UBE2E3: variants seen among roughly 807,000 people sequenced by gnomAD.
UBE2E3 encodes the protein ubiquitin conjugating enzyme E2 E3.
Under a neutral mutation model 23.6 loss-of-function variants are expected in UBE2E3, and 5 were observed. The observed-to-expected ratio is 0.21, with a 90% confidence interval of 0.11 to 0.44. The LOEUF (loss-of-function observed/expected upper bound fraction) is 0.44, where lower values mean the gene tolerates loss of function less well. Ranked by LOEUF, UBE2E3 falls within the 20% of genes least tolerant of loss-of-function variation. The pLI, the probability that UBE2E3 is intolerant of heterozygous loss-of-function variation, is 0.99. For missense variants in UBE2E3, 81 were observed against 249.8 expected, an observed-to-expected ratio of 0.32 and a Z score of 4.55; for synonymous variants, 78 against 87.5, an observed-to-expected ratio of 0.89 and a Z score of 0.60.
chr2:181,053,027 A>G (rs62181573), intron 3 of UBE2E3, among the ~76,000 whole-genome samples: 32,933 of 151,444 alleles, frequency 0.22, 4,160 homozygotes, highest in Non-Finnish European at 0.28. Flanking sequence ...TCGTTTCACC[A>G]CCCTTTAAGT....
At chr2:180,984,117 T>G (rs761906682) in intron 3 of UBE2E3, 24 bp downstream of exon 3, 1 of 1,597,968 alleles carries the variant, frequency 6.3e-7, no homozygotes, top group East Asian at 2.2e-5. Context: ...TTTGTTGTTT[T>G]GGTTTCAAAT....
chr2:181,022,457 A>G (rs376264501), intron 3 of UBE2E3, among the ~76,000 whole-genome samples: 23 of 152,128 alleles, frequency 1.5e-4, no homozygotes, highest in African/African-American at 5.6e-4. Context: ...GTAAATTAAT[A>G]CATAACCATT....
At chr2:181,053,026 C>T (rs1309272914) in intron 3 of UBE2E3, among the ~76,000 whole-genome samples, 18 of 151,784 alleles carry the variant, frequency 1.2e-4, no homozygotes, top group Admixed American at 1.2e-3. Context: ...GTCGTTTCAC[C>T]ACCCTTTAAG....
Position 181,062,731 on chromosome 2 carries a change from G to A in UBE2E3, c.527-60G>A, listed in dbSNP as rs1687196381. 3.1e-6 allele frequency: 3 copies of A among 964,234 alleles called. No individual in the cohort carries two copies. In the South Asian group the frequency reaches 4.7e-5, roughly 15 times the overall value. 59.7% of individuals were successfully genotyped at this position (964,234 alleles called of 1,614,324 possible). ...AGCATTTCATTTTAATAGAATATTA[G>A]AACTATACCTTGAAGAAGATACCAC... On this transcript the variant is annotated intron_variant, in intron 5 of 5. Transcript: ENST00000410062.
chr2:181,003,862 A>G (rs1685060895), intron 3 of UBE2E3, among the ~76,000 whole-genome samples: 1 of 152,198 alleles, frequency 6.6e-6, no homozygotes, highest in Non-Finnish European at 1.5e-5. Flanking sequence ...ATTTACATGT[A>G]TTGTTGATAT....
At chr2:181,057,975 A>C in intron 4 of UBE2E3, 150 bp downstream of exon 4, 2 of 736,268 alleles carry the variant, frequency 2.7e-6, no homozygotes, top group Non-Finnish European at 2.1e-6. Context: ...AAGAATTTTA[A>C]AACAGTAATT....
At chr2:180,991,464 A>C (rs1415542806) in intron 3 of UBE2E3, among the ~76,000 whole-genome samples, 1 of 152,202 alleles carries the variant, frequency 6.6e-6, no homozygotes. Context: ...GTTTGAAAAT[A>C]AGCACTGCAG....
intron 3 of UBE2E3, among the ~76,000 whole-genome samples, chr2:181,055,796 A>G (rs1367565337): frequency 1.3e-5 from 2 of 151,812 alleles, no homozygotes; most frequent in African/African-American, 4.8e-5. Context: ...AAGCTCTTCT[A>G]TCAACTGGCA....
chr2:181,055,582 G>C, intron 3 of UBE2E3, among the ~76,000 whole-genome samples: 1 of 151,862 alleles, frequency 6.6e-6, no homozygotes, highest in South Asian at 2.1e-4. Context: ...TAAACTAGGT[G>C]TCTTTGGGTA....
intron 3 of UBE2E3, among the ~76,000 whole-genome samples, chr2:181,012,560 C>T (rs1459997069): frequency 6.6e-6 from 1 of 152,130 alleles, no homozygotes; most frequent in Non-Finnish European, 1.5e-5. Flanking sequence ...GTCACATAAG[C>T]ACACAAGAGG....
At chr2:181,050,850 AGTTATGTT>A (rs1553540132) in intron 3 of UBE2E3, among the ~76,000 whole-genome samples, 1 of 151,842 alleles carries the variant, frequency 6.6e-6, no homozygotes, top group Non-Finnish European at 1.5e-5. Flanking sequence ...TTCTTTCTTT[AGTTATGTT>A]AATAGTAAAA....
chr2:181,034,955 T>C (rs1413361935), intron 3 of UBE2E3, among the ~76,000 whole-genome samples: 1 of 152,140 alleles, frequency 6.6e-6, no homozygotes, highest in African/African-American at 2.4e-5. Flanking sequence ...ATACTTTTAA[T>C]TTAGGAACTA....
intron 3 of UBE2E3, among the ~76,000 whole-genome samples, chr2:181,010,539 C>T (rs938803366): frequency 1.3e-5 from 2 of 152,118 alleles, no homozygotes; most frequent in East Asian, 3.8e-4. Context: ...TCTGCCTATC[C>T]TCCTGAATCT....
intron 3 of UBE2E3, among the ~76,000 whole-genome samples, chr2:181,015,595 A>G (rs1260161870): frequency 2.0e-5 from 3 of 152,220 alleles, no homozygotes; most frequent in Non-Finnish European, 2.9e-5. Flanking sequence ...TCATTATATG[A>G]TAAAGGTAAG....
At chr2:180,995,938 A>G (rs1438160290) in intron 3 of UBE2E3, among the ~76,000 whole-genome samples, 2 of 152,142 alleles carry the variant, frequency 1.3e-5, no homozygotes, top group African/African-American at 2.4e-5. Flanking sequence ...TACATGGTAA[A>G]GGTAAGATAT....
chr2:181,018,923 A>G (rs1685584028), intron 3 of UBE2E3, among the ~76,000 whole-genome samples: 1 of 152,078 alleles, frequency 6.6e-6, no homozygotes, highest in Non-Finnish European at 1.5e-5. Flanking sequence ...ATTGTAAAGT[A>G]AGGAAGTTGG....
intron 3 of UBE2E3, among the ~76,000 whole-genome samples, chr2:181,045,226 A>G (rs1686635120): frequency 6.6e-6 from 1 of 152,148 alleles, no homozygotes; most frequent in Admixed American, 6.6e-5. Context: ...ATCAATTTTA[A>G]AAAGCTGTTA....
chr2:180,989,960 C>T (rs1265679062), intron 3 of UBE2E3: 2 of 1,547,696 alleles, frequency 1.3e-6, no homozygotes, highest in South Asian at 2.4e-5. Flanking sequence ...TCTCTTCTTC[C>T]CTATCAATAT....
chr2:181,051,643 A>C (rs1686847878), intron 3 of UBE2E3, among the ~76,000 whole-genome samples: 1 of 151,864 alleles, frequency 6.6e-6, no homozygotes, highest in Non-Finnish European at 1.5e-5. Context: ...GTTATTGCTT[A>C]TTTTGGTGAT....
Sources: allele counts gnomAD v4.1 joint callset (sites outside exome capture counted in the v4.1 genomes callset), GRCh38; gene constraint gnomAD v4.1.1; transcripts MANE v1.5; gene names NCBI Gene and HGNC (gene_info 2026-07-23, HGNC 2026-07-21).